The following DYRK2 variants were observed in gnomAD, a reference collection of about 807,000 sequenced individuals.
DYRK2 encodes the protein dual specificity tyrosine phosphorylation regulated kinase 2, also known as dual specificity tyrosine-phosphorylation-regulated kinase 2.
A neutral mutation model predicts 41.6 loss-of-function variants in DYRK2; 12 were observed. The ratio of observed to expected loss-of-function variants is 0.29; its 90% CI spans 0.18 to 0.47. DYRK2 has a LOEUF of 0.47. Ranked by LOEUF, DYRK2 falls within the 20% of genes least tolerant of loss-of-function variation. The probability of loss-of-function intolerance (pLI) is 1.00; values close to 1 mark genes in which losing one functional copy is unlikely to be tolerated. For synonymous variants in DYRK2, 322 were observed against 315.7 expected (o/e 1.02, Z -0.21); for missense variants, 678 against 798.4 (o/e 0.85, Z 1.82).
rs1227636566 is a variant in DYRK2, at chr12:67,665,347, G to C, written c.*6634G>C. 3 of 152,132 alleles carry C rather than the reference G, an allele frequency of 2.0e-5. No individual in the cohort carries two copies. The highest frequency in any genetic ancestry group is 7.2e-5 in the African/African-American group (3 of 41,438). 9.4% of individuals were successfully genotyped at this position (152,132 alleles called of 1,614,324 possible). A position where few individuals can be genotyped will look rare whatever the true frequency, so the allele number is the denominator to read the frequency against. Reference sequence around the variant, plus strand: ...TGAATTGTTTTCAATTGTTTTGGGAGAAATGTAACTAATTATAAGCAATTT... The same window carrying C: ...TGAATTGTTTTCAATTGTTTTGGGACAAATGTAACTAATTATAAGCAATTT... On this transcript the variant is annotated 3_prime_UTR_variant, in exon 3 of 3. Coordinates refer to ENST00000344096, the MANE Select transcript of DYRK2 (RefSeq NM_006482.3).
chr12:67,650,186 C>G (rs75539697), intron 2 of DYRK2, among the ~76,000 whole-genome samples: 1,767 of 152,376 alleles, frequency 0.012, 37 homozygotes, highest in African/African-American at 0.041. Flanking sequence ...GCTCGCCCAC[C>G]CATGACCTCC....
In DYRK2 at chr12:67,658,665, C is replaced by G; in HGVS notation, c.1758C>G (p.Ala586=). The part of the protein sequence containing the change: ...LRTNLAQMTD[A]NGNIQQRTVL... ...CTAATTTGGCGCAGATGACAGATGC[C>G]AATGGGAATATTCAGCAGAGGACAG... Residue 586 remains alanine (A), a synonymous_variant, in exon 3 of 3, where the codon GCC becomes GCG. Coordinates refer to ENST00000344096, the MANE Select transcript of DYRK2 (RefSeq NM_006482.3). The surrounding 1 kb of genome is among the most constrained non-coding windows in gnomAD (Gnocchi z 4.3). The G allele has an allele frequency of 1.2e-6, 2 of 1,613,634 alleles. No individual in the cohort carries two copies. The highest frequency in any genetic ancestry group is 1.7e-6 in the Non-Finnish European group (2 of 1,179,778).
intron 1 of DYRK2, 94 bp from the exon 2 acceptor site, chr12:67,649,703 G>C (rs1872250515): frequency 8.1e-7 from 1 of 1,235,180 alleles, no homozygotes; most frequent in African/African-American, 1.5e-5. Context: ...TTCTTTGGAA[G>C]AGGGTTGTCG....
chr12:67,657,567 C>T lies in DYRK2; in HGVS notation c.660C>T (p.Tyr220=). The change falls in exon 3 of 3, where the codon TAC becomes TAT. Residue 220 remains tyrosine, a synonymous_variant. Transcript: ENST00000344096. This position sits in a 1 kb window ranked among gnomAD's most constrained non-coding sequence, Gnocchi z 4.8. ...YVQVPHDHVA[Y]RYEVLKVIGK... ...AGGTGCCCCACGATCACGTGGCTTA[C>T]AGGTATGAGGTCCTCAAGGTCATTG... The T allele has an allele frequency of 6.2e-7, 1 of 1,614,092 alleles. No individual in the cohort carries two copies. The highest frequency in any genetic ancestry group is 8.5e-7 in the Non-Finnish European group (1 of 1,180,020).
intron 2 of DYRK2, among the ~76,000 whole-genome samples, chr12:67,651,864 T>A (rs1202620333): frequency 6.6e-6 from 1 of 152,204 alleles, no homozygotes; most frequent in East Asian, 1.9e-4. Context: ...AGTGAAAGCC[T>A]ACATCCTCCT....
chr12:67,654,771 T>C (rs1382537338), intron 2 of DYRK2, among the ~76,000 whole-genome samples: 1 of 152,310 alleles, frequency 6.6e-6, no homozygotes, highest in African/African-American at 2.4e-5. Context: ...AAGTTTGAGT[T>C]GCTTATGGGA....
At position 67,661,645 on chromosome 12, in the gene DYRK2, C is replaced by T. The variant is rs1229413158; in HGVS notation, c.*2932C>T. 1 of 166,976 alleles carries T rather than the reference C, an allele frequency of 6.0e-6. No individual in the cohort carries two copies. Among genetic ancestry groups the T allele is most frequent in the African/African-American group, 2.4e-5 (1 of 41,410 alleles). The allele number at this position is 166,976 out of a possible 1,614,324, so 10.3% of individuals were successfully genotyped here. On this transcript the variant is annotated 3_prime_UTR_variant, in exon 3 of 3. Transcript: ENST00000344096. ...GCAAAGATACATCTGTCTTAAATAT[C>T]TAGTTACAGGCCTTAATAGAAACCA...
chr12:67,658,606 C>T lies in DYRK2; in HGVS notation c.1699C>T (p.Pro567Ser). Residue 567 changes from proline (P) to serine (S), a missense_variant, in exon 3 of 3, where the codon CCT becomes TCT. Pro to Ser is a moderately conservative substitution (Grantham distance 74). Coordinates refer to ENST00000344096, the MANE Select transcript of DYRK2 (RefSeq NM_006482.3). The surrounding 1 kb of genome is among the most constrained non-coding windows in gnomAD (Gnocchi z 4.3). The part of the protein sequence containing the change: ...TGAITSISKL[P>S]PPSSSASKLR... The stretch of plus-strand genomic sequence containing the variant: ...TGCTATCACATCTATATCCAAGTTA[C>T]CTCCACCTTCTAGCTCAGCTTCCAA... 1.2e-6 allele frequency: 2 copies of T among 1,614,120 alleles called. No individual in the cohort carries two copies. The highest frequency in any genetic ancestry group is 1.1e-5 in the South Asian group (1 of 91,070).
chr12:67,660,017 AG>A lies in DYRK2; in HGVS notation c.*1305del, dbSNP rs1484316392. ...GTGGGAATGACACTTTATCTGGCAA[AG>A]TAACTGAGAGTTTGGTAAAAGAATA... On this transcript the variant is annotated 3_prime_UTR_variant, in exon 3 of 3. Transcript: ENST00000344096. 4.2e-5 allele frequency: 7 copies of A among 167,204 alleles called. No homozygotes were observed. Among genetic ancestry groups the A allele is most frequent in the African/African-American group, 1.7e-4 (7 of 41,584 alleles). The allele number at this position is 167,204 out of a possible 1,614,324, so 10.4% of individuals were successfully genotyped here. A position where few individuals can be genotyped will look rare whatever the true frequency, so the allele number is the denominator to read the frequency against.
Position 67,662,952 on chromosome 12 carries a change from A to G in DYRK2, c.*4239A>G, listed in dbSNP as rs1872662437. On this transcript the variant is annotated 3_prime_UTR_variant, in exon 3 of 3. Coordinates refer to ENST00000344096, the MANE Select transcript of DYRK2 (RefSeq NM_006482.3). ...GATTTTTATGTTAACTTTTTTATAT[A>G]TAGCCTCTGCTGTGTTCTTTATTAT... 6.6e-6 allele frequency: 1 copy of G among 152,106 alleles called. No individual in the cohort carries two copies. Among genetic ancestry groups the G allele is most frequent in the South Asian group, 2.1e-4 (1 of 4,830 alleles). 9.4% of individuals were successfully genotyped at this position (152,106 alleles called of 1,614,324 possible). A position where few individuals can be genotyped will look rare whatever the true frequency, so the allele number is the denominator to read the frequency against.
intron 2 of DYRK2, among the ~76,000 whole-genome samples, chr12:67,651,897 T>C (rs749028275): frequency 1.3e-5 from 2 of 152,222 alleles, no homozygotes; most frequent in Non-Finnish European, 2.9e-5. Context: ...AATATACTGA[T>C]GGAGACTGCT....
In DYRK2 at chr12:67,657,029, T is replaced by G; in HGVS notation, c.199-77T>G. On this transcript the variant is annotated intron_variant, in intron 2 of 2. Coordinates refer to ENST00000344096, the MANE Select transcript of DYRK2 (RefSeq NM_006482.3). The surrounding 1 kb of genome is among the most constrained non-coding windows in gnomAD (Gnocchi z 4.8). ...GTAAATGTGAGGTTGGGGGCGGTGG[T>G]GTTGTTGGGGGTTACTTATACACCA... 3 of 1,400,694 alleles carry G rather than the reference T, an allele frequency of 2.1e-6. No homozygotes were observed. Among genetic ancestry groups the G allele is most frequent in the Non-Finnish European group, 2.8e-6 (3 of 1,055,932 alleles). The allele number at this position is 1,400,694 out of a possible 1,614,324, so 86.8% of individuals were successfully genotyped here.
rs1872703053 is a variant in DYRK2 at position 67,664,636 on chromosome 12, G to A, written c.*5923G>A. ...AGGTAATTTTGGTCTTGGACAGTAA[G>A]GGAAAATCCATAATACATAAAACAC... On this transcript the variant is annotated 3_prime_UTR_variant, in exon 3 of 3. Coordinates refer to ENST00000344096, the MANE Select transcript of DYRK2 (RefSeq NM_006482.3). 3 of 152,122 alleles carry A rather than the reference G, an allele frequency of 2.0e-5. No individual in the cohort carries two copies. In the South Asian group the frequency reaches 6.2e-4, roughly 32 times the overall value. The allele number at this position is 152,122 out of a possible 1,614,324, so 9.4% of individuals were successfully genotyped here.
chr12:67,659,957 A>T lies in DYRK2; in HGVS notation c.*1244A>T, dbSNP rs1872579631. The T allele has an allele frequency of 1.2e-5, 2 of 166,946 alleles. No individual in the cohort carries two copies. The highest frequency in any genetic ancestry group is 6.5e-5 in the Admixed American group (1 of 15,274). The allele number at this position is 166,946 out of a possible 1,614,324, so 10.3% of individuals were successfully genotyped here. On this transcript the variant is annotated 3_prime_UTR_variant, in exon 3 of 3. Transcript: ENST00000344096. ...CCCAGAGATAGCATTCCTCTATTTTATTTTACTTTCTTTTGGATTGCACTG... is the reference window on the plus strand; with the variant it reads ...CCCAGAGATAGCATTCCTCTATTTTTTTTTACTTTCTTTTGGATTGCACTG...
intron 2 of DYRK2, among the ~76,000 whole-genome samples, chr12:67,651,287 T>G (rs1872314853): frequency 6.6e-6 from 1 of 152,218 alleles, no homozygotes; most frequent in Non-Finnish European, 1.5e-5. Context: ...ATTTTTTTGT[T>G]TGGGATCATC....
chr12:67,651,024 C>A (rs1872306378), intron 2 of DYRK2, among the ~76,000 whole-genome samples: 1 of 152,162 alleles, frequency 6.6e-6, no homozygotes, highest in South Asian at 2.1e-4. Flanking sequence ...GTAGTTGCAC[C>A]TGTTAGACTT....
At position 67,649,097 on chromosome 12, in the gene DYRK2, A is replaced by ATGG; in HGVS notation, c.-37_-36insTGG. 1 of 1,468,014 alleles carries ATGG rather than the reference A, an allele frequency of 6.8e-7. No individual in the cohort carries two copies. Among genetic ancestry groups the ATGG allele is most frequent in the Non-Finnish European group, 9.1e-7 (1 of 1,104,072 alleles). The allele number at this position is 1,468,014 out of a possible 1,614,324, so 90.9% of individuals were successfully genotyped here. A position where few individuals can be genotyped will look rare whatever the true frequency, so the allele number is the denominator to read the frequency against. On this transcript the variant is annotated 5_prime_UTR_variant, in exon 1 of 3. In the 5' UTR this introduces an upstream ATG that the reference lacks. Transcript: ENST00000344096. The stretch of plus-strand genomic sequence containing the variant: ...AGTAGCAGCAGGACCGGCGGCGGCG[A>ATGG]CGGCAGCCCTGAAATGCATTTTCCT...
intron 2 of DYRK2, among the ~76,000 whole-genome samples, chr12:67,651,105 T>G (rs1418891135): frequency 6.6e-6 from 1 of 152,156 alleles, no homozygotes; most frequent in Admixed American, 6.5e-5. Flanking sequence ...CCTCTGTCTG[T>G]CTCTCTATCC....
rs1339243360 is a variant in DYRK2 at position 67,664,677 on chromosome 12, G to C, written c.*5964G>C. On this transcript the variant is annotated 3_prime_UTR_variant, in exon 3 of 3. Transcript: ENST00000344096. ...CATAAAACACAAAAGTTTAGAAAGG[G>C]GGGGAAGTTGAGCTAGCAATGGGCA... 2 of 152,120 alleles carry C rather than the reference G, an allele frequency of 1.3e-5. No homozygotes were observed. Among genetic ancestry groups the C allele is most frequent in the African/African-American group, 2.4e-5 (1 of 41,408 alleles). The allele number at this position is 152,120 out of a possible 1,614,324, so 9.4% of individuals were successfully genotyped here.
Sources: allele counts gnomAD v4.1 joint callset (sites outside exome capture counted in the v4.1 genomes callset), GRCh38; gene constraint gnomAD v4.1.1; non-coding constraint Gnocchi (gnomAD v3.1); transcripts MANE v1.5; gene names NCBI Gene and HGNC (gene_info 2026-07-23, HGNC 2026-07-21).